Variants in CFAP299 observed in about 807,000 individuals in gnomAD.
CFAP299 encodes the protein cilia and flagella associated protein 299.
A neutral mutation model predicts 27.0 loss-of-function variants in CFAP299; 21 were observed. That is an observed-to-expected ratio of 0.78 (90% CI 0.55 to 1.12). CFAP299 has a LOEUF of 1.12. CFAP299 is among the 50% of genes most tolerant of loss of function. The probability of loss-of-function intolerance (pLI) is 0.00; values close to 1 mark genes in which losing one functional copy is unlikely to be tolerated. For missense variants in CFAP299, 310 were observed against 276.6 expected (o/e 1.12, Z -0.86); for synonymous variants, 104 against 98.1 (o/e 1.06, Z -0.36).
At chr4:80,743,403 A>G (rs1724397000) in intron 3 of CFAP299, among the ~76,000 whole-genome samples, 2 of 152,172 alleles carry the variant, frequency 1.3e-5, no homozygotes, top group Non-Finnish European at 2.9e-5. Context: ...ATGTAACCAC[A>G]TATGATTTGT....
intron 2 of CFAP299, among the ~76,000 whole-genome samples, chr4:80,532,233 A>G (rs1035392327): frequency 1.3e-5 from 2 of 152,214 alleles, no homozygotes; most frequent in African/African-American, 4.8e-5. Context: ...TCTTTTGGAA[A>G]TAGCTTATTA....
intron 2 of CFAP299, among the ~76,000 whole-genome samples, chr4:80,559,846 A>G (rs1734953606): frequency 6.6e-6 from 1 of 152,154 alleles, no homozygotes. Context: ...ACCCCTCACT[A>G]CTGAGGGCTA....
chr4:80,481,660 G>A (rs1039052), intron 2 of CFAP299, among the ~76,000 whole-genome samples: 63,513 of 151,822 alleles, frequency 0.42, 15,371 homozygotes, highest in African/African-American at 0.67. Flanking sequence ...GAAACCCCGC[G>A]TGACCCTGAG....
intron 4 of CFAP299, among the ~76,000 whole-genome samples, chr4:80,909,057 C>G (rs1186502858): frequency 6.6e-6 from 1 of 152,142 alleles, no homozygotes; most frequent in Non-Finnish European, 1.5e-5. Context: ...GCTATACATA[C>G]ATAGTTTTGT....
At chr4:80,913,422 A>C (rs1041270708) in intron 4 of CFAP299, among the ~76,000 whole-genome samples, 2 of 152,178 alleles carry the variant, frequency 1.3e-5, no homozygotes, top group Non-Finnish European at 2.9e-5. Flanking sequence ...ATGAAACCTG[A>C]ATAGCTAAGG....
intron 3 of CFAP299, among the ~76,000 whole-genome samples, chr4:80,823,288 T>G (rs1240679224): frequency 6.6e-6 from 1 of 152,168 alleles, no homozygotes; most frequent in Non-Finnish European, 1.5e-5. Flanking sequence ...TGCCTCCCTC[T>G]TTGCTCCAAC....
chr4:80,413,454 T>A (rs948965533), intron 2 of CFAP299, among the ~76,000 whole-genome samples: 1 of 152,228 alleles, frequency 6.6e-6, no homozygotes, highest in Non-Finnish European at 1.5e-5. Context: ...ATTTAGCTTA[T>A]TACCTTTAAT....
In CFAP299 at chr4:80,488,535, A is replaced by G. The variant is rs139149294; in HGVS notation, c.243-94558A>G. Among the ~76,000 whole-genome samples the G allele has an allele frequency of 5.7e-3, 841 of 147,340 alleles. 8 individuals are homozygous for G. The highest frequency in any genetic ancestry group is 0.019 in the African/African-American group (735 of 39,278). ...GTTGCCCAGGCTGGAGTGCAGTGGCATGATCTTGGCTTGCTGCAAGTTTCT... is the reference window on the plus strand; with the variant it reads ...GTTGCCCAGGCTGGAGTGCAGTGGCGTGATCTTGGCTTGCTGCAAGTTTCT... On this transcript the variant is annotated intron_variant, in intron 2 of 5. Transcript: ENST00000358105.
At chr4:80,358,305 T>TA (rs1484513455) in intron 1 of CFAP299, among the ~76,000 whole-genome samples, 1 of 152,172 alleles carries the variant, frequency 6.6e-6, no homozygotes, top group Non-Finnish European at 1.5e-5. Context: ...GAGAAGAACA[T>TA]ACGTTCTGTT....
At chr4:80,613,538 C>T (rs1049326387) in intron 3 of CFAP299, among the ~76,000 whole-genome samples, 4 of 152,040 alleles carry the variant, frequency 2.6e-5, no homozygotes, top group African/African-American at 4.8e-5. Context: ...AACACTTTTT[C>T]CTCCCTGAAC....
In CFAP299 at chr4:80,471,919, G is replaced by A. The variant is rs542402084; in HGVS notation, c.242+109035G>A. 3.0e-4 allele frequency among the ~76,000 whole-genome samples: 45 copies of A among 152,236 alleles called. No individual in the cohort carries two copies. The East Asian group carries it at 7.0e-3, about 24-fold the overall frequency. On this transcript the variant is annotated intron_variant, in intron 2 of 5. Transcript: ENST00000358105. ...CGGCCATCCTTCACTCGCAGCTTTCGGTTTGCTTTCAGCCATGGCAAGCCA... is the reference window on the plus strand; with the variant it reads ...CGGCCATCCTTCACTCGCAGCTTTCAGTTTGCTTTCAGCCATGGCAAGCCA...
At chr4:80,326,948 T>C in the CFAP299 span, among the ~76,000 whole-genome samples, 3 of 152,224 alleles carry the variant, frequency 2.0e-5, no homozygotes, top group Admixed American at 6.5e-5. Context: ...TTGCATTTTT[T>C]TCATCATTAA....
At chr4:80,528,554 A>G (rs558914878) in intron 2 of CFAP299, among the ~76,000 whole-genome samples, 114 of 152,142 alleles carry the variant, frequency 7.5e-4, no homozygotes, top group African/African-American at 2.6e-3. Flanking sequence ...CTCTTATCTG[A>G]AATGCCACAT....
intron 2 of CFAP299, among the ~76,000 whole-genome samples, chr4:80,392,416 G>A (rs1162439669): frequency 6.6e-6 from 1 of 152,182 alleles, no homozygotes; most frequent in Non-Finnish European, 1.5e-5. Context: ...ATCTTGAATT[G>A]TAATTTGAAT....
chr4:80,521,852 C>T (rs531755355), intron 2 of CFAP299, among the ~76,000 whole-genome samples: 76 of 151,394 alleles, frequency 5.0e-4, no homozygotes, highest in Middle Eastern at 3.2e-3. Context: ...TTTTCTTTAT[C>T]CATTCAATCT....
intron 4 of CFAP299, among the ~76,000 whole-genome samples, chr4:80,891,449 G>A (rs1302443042): frequency 6.6e-6 from 1 of 150,830 alleles, no homozygotes; most frequent in Non-Finnish European, 1.5e-5. Flanking sequence ...AAAATGATGA[G>A]TTCATGTCCT....
At chr4:80,812,532 T>C (rs751757422) in intron 3 of CFAP299, among the ~76,000 whole-genome samples, 17 of 152,140 alleles carry the variant, frequency 1.1e-4, no homozygotes, top group Non-Finnish European at 1.9e-4. Context: ...TTCATTTATT[T>C]ACTTACTAAG....
Position 80,651,391 on chromosome 4 carries a change from A to T in CFAP299, c.333+68208A>T, listed in dbSNP as rs1397648941. ...TCTTTTTTTTTTTTTGTTGAGACAG[A>T]GTCTCTCTGTGTCACCCAGGCTTGA... On this transcript the variant is annotated intron_variant, in intron 3 of 5. Transcript: ENST00000358105. 7.4e-5 allele frequency among the ~76,000 whole-genome samples: 10 copies of T among 134,668 alleles called. No individual in the cohort carries two copies. The South Asian group carries it at 2.3e-3, about 31-fold the overall frequency. 88.3% of individuals were successfully genotyped at this position (134,668 alleles called of 152,430 possible).
intron 3 of CFAP299, among the ~76,000 whole-genome samples, chr4:80,615,072 A>T (rs1738202384): frequency 6.6e-6 from 1 of 152,156 alleles, no homozygotes; most frequent in African/African-American, 2.4e-5. Context: ...TATTTTAATG[A>T]TGTATTTTAT....
Sources: gnomAD v4.1 joint callset for allele counts (sites outside exome capture counted in the v4.1 genomes callset) on GRCh38, gnomAD v4.1.1 for gene constraint, MANE v1.5 for transcripts, NCBI Gene and HGNC (gene_info 2026-07-23, HGNC 2026-07-21) for gene names.